Variants in MED27 observed in about 807,000 individuals in gnomAD.
The protein encoded by MED27 is mediator complex subunit 27.
MED27 carries 30 observed loss-of-function variants against 38.2 expected under a neutral mutation model. The observed-to-expected ratio is 0.79, with a 90% CI of 0.59 to 1.07. The LOEUF (loss-of-function observed/expected upper bound fraction) is 1.07, where lower values mean the gene tolerates loss of function less well. MED27 is among the 50% of genes least tolerant of loss of function. MED27 has a pLI of 0.00. For missense variants in MED27, 289 were observed against 397.5 expected (o/e 0.73, Z 2.32); for synonymous variants, 122 against 153.5 (o/e 0.79, Z 1.52).
At chr9:131,866,603 T>C (rs1054374511) in intron 6 of MED27, among the ~76,000 whole-genome samples, 1 of 152,160 alleles carries the variant, frequency 6.6e-6, no homozygotes, top group African/African-American at 2.4e-5. Flanking sequence ...CTCCATCCCT[T>C]CTAGCAGTGA....
chr9:132,033,432 A>AAT (rs1321591129), intron 2 of MED27, among the ~76,000 whole-genome samples: 1 of 152,114 alleles, frequency 6.6e-6, no homozygotes, highest in African/African-American at 2.4e-5. Flanking sequence ...ATCATTTGAC[A>AAT]TTTTTTTCTA....
chr9:131,876,331 C>A (rs1344234591), intron 6 of MED27, among the ~76,000 whole-genome samples: 1 of 152,156 alleles, frequency 6.6e-6, no homozygotes, highest in African/African-American at 2.4e-5. Flanking sequence ...GGCAACGCAG[C>A]GTGCCCTCAG....
intron 3 of MED27, among the ~76,000 whole-genome samples, chr9:131,957,447 G>C (rs1251543923): frequency 6.6e-6 from 1 of 151,976 alleles, no homozygotes; most frequent in Non-Finnish European, 1.5e-5. Context: ...GTAGAGGTAA[G>C]GTCTCTCTAT....
intron 2 of MED27, among the ~76,000 whole-genome samples, chr9:132,018,862 G>A (rs191611021): frequency 1.2e-3 from 190 of 152,014 alleles, no homozygotes; most frequent in African/African-American, 4.4e-3. Flanking sequence ...CTTCTTTAAG[G>A]GTAAAGGGGA....
chr9:131,935,801 C>T (rs1284749549), intron 4 of MED27, among the ~76,000 whole-genome samples: 1 of 152,130 alleles, frequency 6.6e-6, no homozygotes, highest in Non-Finnish European at 1.5e-5. Flanking sequence ...TTATAATTTA[C>T]ATATACATTA....
chr9:131,898,654 C>T (rs545729216), intron 4 of MED27, among the ~76,000 whole-genome samples: 2 of 151,586 alleles, frequency 1.3e-5, no homozygotes, highest in African/African-American at 4.8e-5. Flanking sequence ...GTGGCACAAT[C>T]TTGGCTAGTG....
chr9:131,915,179 G>A (rs978346817), intron 4 of MED27, among the ~76,000 whole-genome samples: 1 of 152,200 alleles, frequency 6.6e-6, no homozygotes, highest in Non-Finnish European at 1.5e-5. Flanking sequence ...ACACGTCAAT[G>A]TTTTGGGGAG....
chr9:131,970,416 C>A (rs1831450802), intron 3 of MED27, among the ~76,000 whole-genome samples: 1 of 152,228 alleles, frequency 6.6e-6, no homozygotes, highest in Non-Finnish European at 1.5e-5. Context: ...GCCGCCCTGG[C>A]TACCATGCTC....
intron 6 of MED27, among the ~76,000 whole-genome samples, chr9:131,863,762 C>G (rs890966236): frequency 2.6e-5 from 4 of 152,158 alleles, no homozygotes; most frequent in African/African-American, 9.7e-5. Flanking sequence ...CCCGGCGCGC[C>G]TGGTGTGGTC....
chr9:131,904,398 T>C (rs886933724), intron 4 of MED27, among the ~76,000 whole-genome samples: 1 of 152,074 alleles, frequency 6.6e-6, no homozygotes, highest in African/African-American at 2.4e-5. Context: ...GTTTTATTTT[T>C]ATATTTTTCT....
At chr9:131,865,918 C>CT (rs1334399342) in intron 6 of MED27, among the ~76,000 whole-genome samples, 1 of 152,154 alleles carries the variant, frequency 6.6e-6, no homozygotes, top group Non-Finnish European at 1.5e-5. Context: ...GGGGGCCCAG[C>CT]TTCTCCTCAT....
chr9:132,070,534 G>A (rs1217842339), intron 2 of MED27, among the ~76,000 whole-genome samples: 1 of 152,116 alleles, frequency 6.6e-6, no homozygotes, highest in Non-Finnish European at 1.5e-5. Context: ...TCCAGCCTGG[G>A]CAACACAGCA....
At chr9:131,916,853 A>G (rs1380847437) in intron 4 of MED27, among the ~76,000 whole-genome samples, 1 of 152,176 alleles carries the variant, frequency 6.6e-6, no homozygotes, top group Non-Finnish European at 1.5e-5. Context: ...TCAATCCACA[A>G]TCCTCTTTGC....
chr9:132,019,984 T>C (rs890673645), intron 2 of MED27, among the ~76,000 whole-genome samples: 1 of 152,224 alleles, frequency 6.6e-6, no homozygotes, highest in Non-Finnish European at 1.5e-5. Context: ...GGTGGTGAGT[T>C]TGAAGAAGTT....
intron 6 of MED27, 44 bp downstream of exon 6, chr9:131,884,014 T>A: frequency 6.4e-7 from 1 of 1,569,150 alleles, no homozygotes. Flanking sequence ...AGCATTCACG[T>A]TTTCCTAATG....
intron 3 of MED27, among the ~76,000 whole-genome samples, chr9:131,966,383 C>CAAAAAAAAAA (rs749607968): frequency 0.087 from 3,176 of 36,556 alleles, 547 homozygotes; most frequent in South Asian, 0.15. Context: ...GACCCTGTCA[C>CAAAAAAAAAA]AAAAAAAAAA....
rs745564104 is a variant in MED27 at position 131,939,468 on chromosome 9, A to G, written c.486T>C (p.Val162=). The part of the protein sequence containing the change: ...PTTLVLPPQY[V]DDVISRIDRM... The stretch of plus-strand genomic sequence containing the variant: ...TGTCAATGCGGCTGATCACATCATC[A>G]ACATATCTACATGGGAAAAAAATAA... Residue 162 remains valine, a synonymous_variant, in exon 4 of 8, where the codon GTT becomes GTC. Coordinates refer to ENST00000292035, the MANE Select transcript of MED27 (RefSeq NM_004269.4). 6.2e-7 allele frequency: 1 copy of G among 1,605,042 alleles called. No individual in the cohort carries two copies. The highest frequency in any genetic ancestry group is 8.5e-7 in the Non-Finnish European group (1 of 1,175,744).
chr9:132,053,862 T>C (rs1366989561), intron 2 of MED27, among the ~76,000 whole-genome samples: 1 of 150,934 alleles, frequency 6.6e-6, no homozygotes, highest in East Asian at 2.0e-4. Context: ...CTGTTTCTCA[T>C]TTTAGTGTTT....
At chr9:131,886,481 C>T (rs73551410) in intron 5 of MED27, among the ~76,000 whole-genome samples, 194 of 152,300 alleles carry the variant, frequency 1.3e-3, no homozygotes, top group African/African-American at 4.4e-3. Context: ...CAAAAACCCT[C>T]AACAGATCAT....
Sources: gnomAD v4.1 joint callset for allele counts (sites outside exome capture counted in the v4.1 genomes callset) on GRCh38, gnomAD v4.1.1 for gene constraint, MANE v1.5 for transcripts, NCBI Gene and HGNC (gene_info 2026-07-23, HGNC 2026-07-21) for gene names.